SRGAP1: variants seen among roughly 807,000 people sequenced by gnomAD.
The protein encoded by SRGAP1 is SLIT-ROBO Rho GTPase-activating protein 1.
In SRGAP1, 43 loss-of-function variants were observed where a neutral mutation model predicts 121.9. The ratio of observed to expected loss-of-function variants is 0.35; its 90% CI spans 0.28 to 0.46. The LOEUF is 0.46. Among genes scored for constraint, SRGAP1 ranks in the 20% least tolerant of loss-of-function variants. SRGAP1 has a pLI of 1.00. For synonymous variants in SRGAP1, 447 were observed against 485.4 expected, an observed-to-expected ratio of 0.92 and a Z score of 1.04; for missense variants, 1,102 against 1,350.9, an observed-to-expected ratio of 0.82 and a Z score of 2.89.
intron 15 of SRGAP1, among the ~76,000 whole-genome samples, chr12:64,106,918 T>C (rs577865630): frequency 1.6e-4 from 25 of 152,314 alleles, no homozygotes; most frequent in Admixed American, 8.5e-4. Flanking sequence ...CACACTATTA[T>C]AAATTATAGA....
chr12:63,989,745 C>G (rs937726838), intron 2 of SRGAP1, among the ~76,000 whole-genome samples, 165 bp from the exon 3 acceptor site: 16 of 152,240 alleles, frequency 1.1e-4, no homozygotes, highest in African/African-American at 3.9e-4. Flanking sequence ...AGGCTGGAAG[C>G]CTGTTCTGCT....
At chr12:64,110,300 T>G (rs1274693922) in intron 16 of SRGAP1, among the ~76,000 whole-genome samples, 1 of 152,214 alleles carries the variant, frequency 6.6e-6, no homozygotes, top group Non-Finnish European at 1.5e-5. Context: ...TAATCCATAA[T>G]GGACTAGGAA....
rs1329430439 is a variant in SRGAP1 at position 64,118,574 on chromosome 12, CTTTTGTTTG to C, written c.2224+2694_2224+2702del. Among the ~76,000 whole-genome samples, 65 of 152,026 alleles carry C rather than the reference CTTTTGTTTG, an allele frequency of 4.3e-4. 1 individual carries two copies. Among genetic ancestry groups the C allele is most frequent in the Non-Finnish European group, 6.9e-4 (47 of 67,988 alleles). On this transcript the variant is annotated intron_variant, in intron 18 of 21. Transcript: ENST00000355086. ...ATTGTGTCCAGCCAACATTTGTTAC[CTTTTGTTTG>C]TTTTGTTTGTTTCCTAACACAGTGG...
In SRGAP1 at chr12:63,844,949, C is replaced by T. The variant is rs182840440; in HGVS notation, c.67+66C>T. On this transcript the variant is annotated intron_variant, in intron 1 of 21. Transcript: ENST00000355086. The surrounding 1 kb of genome is among the most constrained non-coding windows in gnomAD (Gnocchi z 4.3). ...TCTTGTCATTGTGCTCGTGGAGTTG[C>T]GTATCTAACTTGGTGTCTGCGTGGG... is the stretch of plus-strand genomic sequence containing the variant. 1 of 1,490,452 alleles carries T rather than the reference C, an allele frequency of 6.7e-7. No homozygotes were observed. Among genetic ancestry groups the T allele is most frequent in the East Asian group, 2.3e-5 (1 of 44,322 alleles). The allele number at this position is 1,490,452 out of a possible 1,614,324, so 92.3% of individuals were successfully genotyped here. A position where few individuals can be genotyped will look rare whatever the true frequency, so the allele number is the denominator to read the frequency against.
At chr12:63,908,791 A>G (rs2030349817) in intron 1 of SRGAP1, among the ~76,000 whole-genome samples, 1 of 152,158 alleles carries the variant, frequency 6.6e-6, no homozygotes, top group African/African-American at 2.4e-5. Context: ...TAAATTGTTC[A>G]TTGTTAGCAT....
chr12:64,070,889 A>G (rs759774170), intron 8 of SRGAP1, among the ~76,000 whole-genome samples: 15 of 152,164 alleles, frequency 9.9e-5, no homozygotes, highest in South Asian at 2.1e-4. Context: ...ATGTAAGTCA[A>G]TGATCAAACT....
chr12:64,144,576 CTT>C lies in SRGAP1; in HGVS notation c.*1909_*1910del, dbSNP rs1240097680. The C allele has an allele frequency of 1.3e-5, 2 of 152,098 alleles. No homozygotes were observed. Among genetic ancestry groups the C allele is most frequent in the East Asian group, 3.9e-4 (2 of 5,186 alleles). 9.4% of individuals were successfully genotyped at this position (152,098 alleles called of 1,614,324 possible). The stretch of plus-strand genomic sequence containing the variant: ...GCCTAATTTCACAAATGAATAGTGA[CTT>C]TTTTCCCATGTATTTCTAGGTATGG... On this transcript the variant is annotated 3_prime_UTR_variant, in exon 22 of 22. Transcript: ENST00000355086.
intron 11 of SRGAP1, among the ~76,000 whole-genome samples, chr12:64,090,358 A>T (rs1324042059): frequency 6.6e-6 from 1 of 152,228 alleles, no homozygotes; most frequent in Non-Finnish European, 1.5e-5. Flanking sequence ...ACATCCTCAG[A>T]TATTTAGGTG....
chr12:64,065,062 C>T (rs1276393488), intron 7 of SRGAP1, 56 bp from the exon 8 acceptor site: 1 of 1,292,460 alleles, frequency 7.7e-7, no homozygotes, highest in African/African-American at 1.5e-5. Flanking sequence ...CAGAGCCGTG[C>T]TTCTGGAGGT....
intron 8 of SRGAP1, among the ~76,000 whole-genome samples, chr12:64,065,760 T>C (rs1439620097): frequency 1.3e-5 from 2 of 152,178 alleles, no homozygotes; most frequent in East Asian, 3.8e-4. Context: ...ATTCACTTCT[T>C]TTTTTCCTTA....
chr12:63,853,170 C>T (rs1899131288), intron 1 of SRGAP1, among the ~76,000 whole-genome samples: 1 of 151,900 alleles, frequency 6.6e-6, no homozygotes, highest in African/African-American at 2.4e-5. Flanking sequence ...CAGGCACCCG[C>T]CACCATGCCC....
chr12:63,977,874 T>A (rs1205842929), intron 1 of SRGAP1, among the ~76,000 whole-genome samples: 1 of 152,214 alleles, frequency 6.6e-6, no homozygotes, highest in African/African-American at 2.4e-5. Flanking sequence ...GGTCTTGACC[T>A]AGATTTAAAT....
intron 1 of SRGAP1, among the ~76,000 whole-genome samples, chr12:63,932,528 A>C (rs1234778645): frequency 6.6e-6 from 1 of 152,220 alleles, no homozygotes; most frequent in Non-Finnish European, 1.5e-5. Flanking sequence ...ATATAGAGAA[A>C]TCTTTATTAC....
At chr12:64,135,748 A>G (rs2036847315) in intron 21 of SRGAP1, among the ~76,000 whole-genome samples, 1 of 152,230 alleles carries the variant, frequency 6.6e-6, no homozygotes, top group Non-Finnish European at 1.5e-5. Flanking sequence ...AAAGAACTCC[A>G]TCCTTAATAT....
intron 1 of SRGAP1, among the ~76,000 whole-genome samples, chr12:63,909,564 ACT>A (rs1208409909): frequency 6.6e-6 from 1 of 151,982 alleles, no homozygotes; most frequent in Non-Finnish European, 1.5e-5. Context: ...ATATAGGCAC[ACT>A]CTCTGTGTTC....
At chr12:64,076,289 C>G (rs7485343) in intron 8 of SRGAP1, among the ~76,000 whole-genome samples, 23,775 of 152,148 alleles carry the variant, frequency 0.16, 2,403 homozygotes, top group South Asian at 0.32. Flanking sequence ...GACACACCCA[C>G]AGGAACTCCA....
chr12:63,985,156 G>A (rs2033380778), intron 2 of SRGAP1, among the ~76,000 whole-genome samples: 1 of 152,170 alleles, frequency 6.6e-6, no homozygotes, highest in Non-Finnish European at 1.5e-5. Flanking sequence ...TTGGAGGTGG[G>A]GAAGGGAAGG....
chr12:63,992,237 G>A (rs1350139), intron 3 of SRGAP1, among the ~76,000 whole-genome samples: 134,100 of 152,202 alleles, frequency 0.88, 59,309 homozygotes, highest in Middle Eastern at 0.96. Context: ...TTGTAAGTCA[G>A]AGTCAAGGGC....
intron 21 of SRGAP1, among the ~76,000 whole-genome samples, chr12:64,131,390 C>T (rs1402434789): frequency 2.6e-5 from 4 of 152,184 alleles, no homozygotes; most frequent in Non-Finnish European, 5.9e-5. Flanking sequence ...TGTATAATCA[C>T]ACATCTGGCC....
Sources: allele counts gnomAD v4.1 joint callset (sites outside exome capture counted in the v4.1 genomes callset), GRCh38; gene constraint gnomAD v4.1.1; non-coding constraint Gnocchi (gnomAD v3.1); transcripts MANE v1.5; gene names NCBI Gene and HGNC (gene_info 2026-07-23, HGNC 2026-07-21).